The following UBE2E3 variants were observed in gnomAD, a reference collection of about 807,000 sequenced individuals.
The protein encoded by UBE2E3 is ubiquitin conjugating enzyme E2 E3.
In UBE2E3, 5 loss-of-function variants were observed where a neutral mutation model predicts 23.6. The observed-to-expected ratio is 0.21, with a 90% CI of 0.11 to 0.44. The LOEUF (loss-of-function observed/expected upper bound fraction) is 0.44, where lower values mean the gene tolerates loss of function less well. UBE2E3 is among the 20% of genes least tolerant of loss of function. The pLI is 0.99. For synonymous variants in UBE2E3, 78 were observed against 87.5 expected, an observed-to-expected ratio of 0.89 and a Z score of 0.60; for missense variants, 81 against 249.8, an observed-to-expected ratio of 0.32 and a Z score of 4.55.
At position 181,015,314 on chromosome 2, in the gene UBE2E3, A is replaced by T. The variant is rs145094079; in HGVS notation, c.245+31221A>T. 1.8e-3 allele frequency among the ~76,000 whole-genome samples: 274 copies of T among 152,292 alleles called. 1 individual carries two copies. The highest frequency in any genetic ancestry group is 5.2e-3 in the Admixed American group (80 of 15,294). ...CATTTTAAAATGAGGGCTTTATCAC[A>T]TAGCTTATATGTGTTCTTTGTGAAC... On this transcript the variant is annotated intron_variant, in intron 3 of 5. Transcript: ENST00000410062.
At chr2:181,015,799 A>T (rs1467566654) in intron 3 of UBE2E3, among the ~76,000 whole-genome samples, 4 of 152,148 alleles carry the variant, frequency 2.6e-5, no homozygotes, top group Admixed American at 2.6e-4. Context: ...CACTAAAATG[A>T]TTACATGGTC....
chr2:181,036,270 T>C (rs180873966), intron 3 of UBE2E3, among the ~76,000 whole-genome samples: 32 of 152,268 alleles, frequency 2.1e-4, no homozygotes, highest in Admixed American at 7.9e-4. Flanking sequence ...CACACATAAA[T>C]GGTCAGTTGA....
chr2:180,995,483 C>T (rs1684798650), intron 3 of UBE2E3, among the ~76,000 whole-genome samples: 1 of 152,108 alleles, frequency 6.6e-6, no homozygotes, highest in Non-Finnish European at 1.5e-5. Context: ...GGTAAGGCTT[C>T]AGGTCAAGAA....
intron 4 of UBE2E3, 82 bp downstream of exon 4, chr2:181,057,907 T>A (rs984106095): frequency 9.4e-6 from 13 of 1,383,170 alleles, no homozygotes; most frequent in African/African-American, 1.4e-5. Context: ...TGTGTATTGA[T>A]GCAGTTATTT....
At chr2:180,987,454 C>CGTCAGTATATTTG in intron 3 of UBE2E3, 1 of 1,518,396 alleles carries the variant, frequency 6.6e-7, no homozygotes, top group Non-Finnish European at 8.9e-7. Context: ...CACAAATATA[C>CGTCAGTATATTTG]TGACGAATAT....
At chr2:180,991,846 G>T (rs1361557471) in intron 3 of UBE2E3, among the ~76,000 whole-genome samples, 2 of 152,112 alleles carry the variant, frequency 1.3e-5, no homozygotes, top group African/African-American at 4.8e-5. Flanking sequence ...GGCAATGTGA[G>T]ATTTCATCGT....
At chr2:180,992,588 A>C (rs945678604) in intron 3 of UBE2E3, among the ~76,000 whole-genome samples, 3 of 152,124 alleles carry the variant, frequency 2.0e-5, no homozygotes, top group Non-Finnish European at 4.4e-5. Context: ...TTTGGAACAT[A>C]TGCCTCAAGC....
intron 3 of UBE2E3, among the ~76,000 whole-genome samples, chr2:181,051,238 T>C (rs902018457): frequency 6.6e-6 from 1 of 151,908 alleles, no homozygotes; most frequent in Non-Finnish European, 1.5e-5. Flanking sequence ...CTCAGCATTA[T>C]TTTTGAGAGC....
chr2:181,011,145 G>T (rs72883586), intron 3 of UBE2E3, among the ~76,000 whole-genome samples: 35,258 of 151,546 alleles, frequency 0.23, 4,467 homozygotes, highest in Non-Finnish European at 0.28. Flanking sequence ...CTTCAGTCCT[G>T]TCTTAATCTG....
At chr2:180,991,264 G>A (rs528925349) in intron 3 of UBE2E3, among the ~76,000 whole-genome samples, 11 of 151,932 alleles carry the variant, frequency 7.2e-5, no homozygotes, top group Non-Finnish European at 1.2e-4. Context: ...ACTCCCTAGT[G>A]GATGCCTGAA....
At chr2:181,004,663 T>C (rs566486156) in intron 3 of UBE2E3, among the ~76,000 whole-genome samples, 1 of 152,322 alleles carries the variant, frequency 6.6e-6, no homozygotes, top group Admixed American at 6.5e-5. Context: ...AAGTAACTTT[T>C]GATTTGGGAC....
chr2:181,002,184 T>C (rs1685011532), intron 3 of UBE2E3, among the ~76,000 whole-genome samples: 1 of 142,532 alleles, frequency 7.0e-6, no homozygotes, highest in Admixed American at 6.9e-5. Flanking sequence ...AATGTTTTAA[T>C]GGATTTCTTT....
intron 3 of UBE2E3, among the ~76,000 whole-genome samples, chr2:181,056,520 CTT>C: frequency 6.6e-6 from 1 of 151,828 alleles, no homozygotes; most frequent in Non-Finnish European, 1.5e-5. Context: ...GAAAGCCACT[CTT>C]TTTAACAATG....
At position 180,982,183 on chromosome 2, in the gene UBE2E3, A is replaced by G. The variant is rs1684317798; in HGVS notation, c.141A>G (p.Lys47=). ...ERKPSATQQK[K]NTKLSSKTTA... ...AACCTTCTGCCACCCAGCAGAAGAA[A>G]AACACCAAACTCTCTAGCAAAACCA... Residue 47 remains lysine (K), a synonymous_variant, in exon 2 of 6, where the codon AAA becomes AAG. Transcript: ENST00000410062. 2 of 1,612,124 alleles carry G rather than the reference A, an allele frequency of 1.2e-6. No homozygotes were observed. Among genetic ancestry groups the G allele is most frequent in the Non-Finnish European group, 1.7e-6 (2 of 1,179,442 alleles).
chr2:180,980,876 C>T lies in UBE2E3; in HGVS notation c.-123C>T, dbSNP rs1684260291. On this transcript the variant is annotated 5_prime_UTR_variant, in exon 1 of 6. Coordinates refer to ENST00000410062, the MANE Select transcript of UBE2E3 (RefSeq NM_006357.4). The surrounding 1 kb of genome is among the most constrained non-coding windows in gnomAD (Gnocchi z 5.5). The stretch of plus-strand genomic sequence containing the variant: ...CTTTTTTTCCCTCCCCCCCCTTCCC[C>T]CCCCCACAGCTGCCTCCATTTCCTT... The T allele has an allele frequency of 6.7e-6, 1 of 149,844 alleles. No homozygotes were observed. The highest frequency in any genetic ancestry group is 1.5e-5 in the Non-Finnish European group (1 of 67,114). The allele number at this position is 149,844 out of a possible 1,614,324, so 9.3% of individuals were successfully genotyped here. A position where few individuals can be genotyped will look rare whatever the true frequency, so the allele number is the denominator to read the frequency against.
intron 3 of UBE2E3, among the ~76,000 whole-genome samples, chr2:181,009,680 T>C (rs1411464292): frequency 6.6e-6 from 1 of 152,074 alleles, no homozygotes; most frequent in African/African-American, 2.4e-5. Context: ...TTTATTTTAG[T>C]GTTTGTTTTT....
intron 3 of UBE2E3, among the ~76,000 whole-genome samples, chr2:181,028,668 T>C (rs1685976016): frequency 6.6e-6 from 1 of 152,122 alleles, no homozygotes; most frequent in Admixed American, 6.5e-5. Context: ...AATTTTTTTA[T>C]GTTTATCTTC....
intron 3 of UBE2E3, chr2:180,989,805 C>A: frequency 1.4e-6 from 2 of 1,408,598 alleles, no homozygotes; most frequent in South Asian, 1.6e-5. Context: ...AGTCATATTC[C>A]TCTCATAACC....
chr2:181,020,584 C>A (rs945141591), intron 3 of UBE2E3, among the ~76,000 whole-genome samples: 1 of 152,160 alleles, frequency 6.6e-6, no homozygotes, highest in Non-Finnish European at 1.5e-5. Context: ...AATTCATAGT[C>A]ATTTCAATAA....
Sources: allele counts gnomAD v4.1 joint callset (sites outside exome capture counted in the v4.1 genomes callset), GRCh38; gene constraint gnomAD v4.1.1; non-coding constraint Gnocchi (gnomAD v3.1); transcripts MANE v1.5; gene names NCBI Gene and HGNC (gene_info 2026-07-23, HGNC 2026-07-21).